CNTN6: variants seen among roughly 807,000 people sequenced by gnomAD.
The protein encoded by CNTN6 is contactin 6.
CNTN6 carries 137 observed loss-of-function variants against 122.8 expected under a neutral mutation model. That is an observed-to-expected ratio of 1.12 (90% CI 0.97 to 1.29). CNTN6 has a LOEUF of 1.29. Ranked by LOEUF, CNTN6 falls within the 50% of genes most tolerant of loss-of-function variation. The pLI, the probability that CNTN6 is intolerant of heterozygous loss-of-function variation, is 0.00. For missense variants in CNTN6, 1,634 were observed against 1,223.4 expected, an observed-to-expected ratio of 1.34 and a Z score of -5.01; for synonymous variants, 570 against 426.0, an observed-to-expected ratio of 1.34 and a Z score of -4.16.
In CNTN6 at chr3:1,403,453, A is replaced by T. The variant is rs745857659; in HGVS notation, c.*35A>T. The T allele has an allele frequency of 3.6e-6, 5 of 1,403,768 alleles. No individual in the cohort carries two copies. The East Asian group carries it at 9.1e-5, about 26-fold the overall frequency. The allele number at this position is 1,403,768 out of a possible 1,614,324, so 87.0% of individuals were successfully genotyped here. ...CCATAAATCTTTGAGAGTTTTTTGA[A>T]AGCAAATCATTCTGTATATATGCTC... On this transcript the variant is annotated 3_prime_UTR_variant, in exon 23 of 23. Coordinates refer to ENST00000446702, the MANE Select transcript of CNTN6 (RefSeq NM_001289080.2).
intron 12 of CNTN6, among the ~76,000 whole-genome samples, chr3:1,353,119 C>T (rs1705925198): frequency 6.6e-6 from 1 of 151,578 alleles, no homozygotes; most frequent in African/African-American, 2.4e-5. Flanking sequence ...ATTCCCTTTC[C>T]TTGCTGCTTT....
At chr3:1,324,181 A>T (rs191261194) in intron 8 of CNTN6, among the ~76,000 whole-genome samples, 4 of 149,470 alleles carry the variant, frequency 2.7e-5, no homozygotes, top group Non-Finnish European at 5.9e-5. Flanking sequence ...TGATTCCTGC[A>T]AGAGGTAATC....
chr3:1,173,231 G>A, intron 2 of CNTN6: 1 of 456,664 alleles, frequency 2.2e-6, no homozygotes, highest in Non-Finnish European at 4.4e-6. Context: ...CAATTCTGCT[G>A]CTAACTGGAC....
At chr3:1,102,839 G>T (rs2091000875) in intron 1 of CNTN6, among the ~76,000 whole-genome samples, 1 of 150,382 alleles carries the variant, frequency 6.6e-6, no homozygotes, top group Non-Finnish European at 1.5e-5. Context: ...CGGGAGCTGT[G>T]GCTCACGCCT....
In CNTN6 at chr3:1,220,787, T is replaced by C; in HGVS notation, c.156T>C (p.Ala52=). Residue 52 remains alanine (A), a synonymous_variant, in exon 3 of 23, where the codon GCT becomes GCC. Transcript: ENST00000446702. ...CTGAGGTCATCCTGAATTGTGCTGC[T>C]AATGGTTACCCTTCGCCTCATTATA... ...SKSEVILNCA[A]NGYPSPHYRW... The C allele has an allele frequency of 6.2e-7, 1 of 1,612,030 alleles. No individual in the cohort carries two copies. The highest frequency in any genetic ancestry group is 8.5e-7 in the Non-Finnish European group (1 of 1,178,964).
intron 6 of CNTN6, among the ~76,000 whole-genome samples, chr3:1,297,347 C>T (rs543337987): frequency 1.6e-4 from 24 of 152,226 alleles, no homozygotes; most frequent in African/African-American, 5.3e-4. Flanking sequence ...TGTTACAACT[C>T]CTCTGGTAGG....
intron 4 of CNTN6, among the ~76,000 whole-genome samples, chr3:1,262,670 T>A (rs1437411776): frequency 6.6e-6 from 1 of 152,166 alleles, no homozygotes. Flanking sequence ...TATGGCATTG[T>A]GCTAAAGACT....
intron 20 of CNTN6, among the ~76,000 whole-genome samples, chr3:1,398,634 C>A (rs891748402): frequency 2.0e-5 from 3 of 151,994 alleles, no homozygotes; most frequent in African/African-American, 4.8e-5. Context: ...AGTTACAGGG[C>A]TTTTTAATAT....
intron 12 of CNTN6, among the ~76,000 whole-genome samples, chr3:1,364,655 C>G (rs1031746500): frequency 7.2e-5 from 11 of 151,862 alleles, no homozygotes; most frequent in African/African-American, 2.7e-4. Context: ...TATAGAGAAG[C>G]AGTCCCATTT....
intron 1 of CNTN6, among the ~76,000 whole-genome samples, chr3:1,147,565 A>C (rs1396419848): frequency 6.8e-6 from 1 of 147,360 alleles, no homozygotes; most frequent in Non-Finnish European, 1.5e-5. Flanking sequence ...TAAATGTCAA[A>C]ATAAATTAGA....
chr3:1,373,072 T>TA, intron 14 of CNTN6, 117 bp downstream of exon 14: 1 of 640,748 alleles, frequency 1.6e-6, no homozygotes, highest in African/African-American at 1.9e-5. Flanking sequence ...TGTAATCAGA[T>TA]AGAGTTTTAT....
chr3:1,249,348 A>G (rs986434782), intron 4 of CNTN6, among the ~76,000 whole-genome samples: 2 of 152,236 alleles, frequency 1.3e-5, no homozygotes, highest in Admixed American at 1.3e-4. Flanking sequence ...GCAAGCAGTA[A>G]GTAAAATAAG....
chr3:1,365,279 T>A (rs562904679), intron 12 of CNTN6, among the ~76,000 whole-genome samples: 66 of 152,082 alleles, frequency 4.3e-4, no homozygotes, highest in African/African-American at 1.4e-3. Flanking sequence ...CACAAATATA[T>A]CAGAATGTAT....
chr3:1,309,183 G>A (rs563863199), intron 7 of CNTN6, among the ~76,000 whole-genome samples: 9 of 151,864 alleles, frequency 5.9e-5, no homozygotes, highest in Non-Finnish European at 1.3e-4. Flanking sequence ...GGTGTTTTTG[G>A]CATTAAATAC....
At chr3:1,390,120 C>CCACA (rs574778150) in intron 20 of CNTN6, among the ~76,000 whole-genome samples, 4,426 of 151,858 alleles carry the variant, frequency 0.029, 184 homozygotes, top group African/African-American at 0.1. Flanking sequence ...TTTTTCAGCA[C>CCACA]CACACCACAC....
chr3:1,182,614 T>A (rs77500497), intron 2 of CNTN6, among the ~76,000 whole-genome samples: 311 of 152,008 alleles, frequency 2.0e-3, no homozygotes, highest in African/African-American at 6.9e-3. Context: ...TTTTTTTTTT[T>A]AATTTTTAGC....
Position 1,401,455 on chromosome 3 carries a change from C to T in CNTN6, c.2727C>T (p.Asn909=), listed in dbSNP as rs1351885836. 6.2e-7 allele frequency: 1 copy of T among 1,611,882 alleles called. No homozygotes were observed. The highest frequency in any genetic ancestry group is 8.5e-7 in the Non-Finnish European group (1 of 1,178,532). ...KKSPPSQPPA[N]IAWKLTNSKL... ...AAGCTCCAAGCCAACCACCAGCAAA[C>T]ATTGCCTGGAAGCTGACAAACTCTA... is the stretch of plus-strand genomic sequence containing the variant. Residue 909 remains asparagine, a synonymous_variant, in exon 21 of 23, where the codon AAC becomes AAT. Coordinates refer to ENST00000446702, the MANE Select transcript of CNTN6 (RefSeq NM_001289080.2).
intron 2 of CNTN6, among the ~76,000 whole-genome samples, chr3:1,158,969 C>CACACAT (rs1553610778): frequency 3.5e-5 from 4 of 112,968 alleles, no homozygotes; most frequent in South Asian, 5.0e-4. Context: ...CACACACACA[C>CACACAT]ATATATATAT....
intron 20 of CNTN6, among the ~76,000 whole-genome samples, chr3:1,393,661 A>G (rs1037790132): frequency 1.3e-5 from 2 of 151,622 alleles, no homozygotes; most frequent in African/African-American, 2.4e-5. Context: ...AAAAAAAAAA[A>G]CACATTGTAT....
Sources: gnomAD v4.1 joint callset for allele counts (sites outside exome capture counted in the v4.1 genomes callset) on GRCh38, gnomAD v4.1.1 for gene constraint, MANE v1.5 for transcripts, NCBI Gene and HGNC (gene_info 2026-07-23, HGNC 2026-07-21) for gene names.